Variants in PDE1A observed in about 807,000 individuals in gnomAD.
PDE1A encodes the protein phosphodiesterase 1A.
Under a neutral mutation model 61.7 loss-of-function variants are expected in PDE1A, and 35 were observed. That is an observed-to-expected ratio of 0.57 (90% CI 0.43 to 0.75). PDE1A has a LOEUF of 0.75. Ranked by LOEUF, PDE1A falls within the 30% of genes least tolerant of loss-of-function variation. PDE1A has a pLI of 0.00. For synonymous variants in PDE1A, 232 were observed against 213.2 expected (o/e 1.09, Z -0.77); for missense variants, 597 against 630.6 (o/e 0.95, Z 0.57).
In PDE1A at chr2:182,186,093, C is replaced by T; in HGVS notation, c.1329-14G>A. The T allele has an allele frequency of 6.2e-7, 1 of 1,609,278 alleles. No homozygotes were observed. The highest frequency in any genetic ancestry group is 8.5e-7 in the Non-Finnish European group (1 of 1,177,142). On this transcript the variant is annotated splice_polypyrimidine_tract_variant and intron_variant, in intron 12 of 13. Transcript: ENST00000351439. The stretch of plus-strand genomic sequence containing the variant: ...ATGGTGGTTGAGCTAACAGTAACAA[C>T]CAAAGAAACCAAAAAACACCATCAG...
At chr2:182,209,370 C>A (rs59215767) in intron 7 of PDE1A, among the ~76,000 whole-genome samples, 31,507 of 151,630 alleles carry the variant, frequency 0.21, 3,477 homozygotes, top group East Asian at 0.32. Flanking sequence ...TTATCTCCCA[C>A]TGGGTCTCTC....
chr2:182,322,044 A>T (rs1157470839), intron 1 of PDE1A, among the ~76,000 whole-genome samples: 1 of 152,132 alleles, frequency 6.6e-6, no homozygotes, highest in East Asian at 1.9e-4. Context: ...TGGAAATAAG[A>T]GCTCCAAAGT....
chr2:182,636,410 C>A, the PDE1A span, among the ~76,000 whole-genome samples: 1 of 151,892 alleles, frequency 6.6e-6, no homozygotes, highest in Non-Finnish European at 1.5e-5. Context: ...ACAGCATAAT[C>A]CTGATTTACC....
At chr2:182,225,401 T>C (rs1215396972) in intron 6 of PDE1A, among the ~76,000 whole-genome samples, 1 of 151,946 alleles carries the variant, frequency 6.6e-6, no homozygotes, top group Non-Finnish European at 1.5e-5. Flanking sequence ...GTGACAATTG[T>C]TGAATCTCAT....
intron 2 of PDE1A, among the ~76,000 whole-genome samples, chr2:182,244,014 C>T (rs535521423): frequency 1.3e-5 from 2 of 152,158 alleles, no homozygotes; most frequent in East Asian, 1.9e-4. Context: ...ATTACAGGCA[C>T]GTGCCACCAC....
At chr2:182,665,722 A>T in the PDE1A span, among the ~76,000 whole-genome samples, 6 of 152,218 alleles carry the variant, frequency 3.9e-5, no homozygotes, top group Non-Finnish European at 8.8e-5. Flanking sequence ...CTGGGCATAT[A>T]TCCAAAGGAA....
intron 7 of PDE1A, among the ~76,000 whole-genome samples, chr2:182,211,195 T>C (rs4666579): frequency 0.74 from 111,884 of 152,188 alleles, 41,324 homozygotes; most frequent in East Asian, 0.91. Context: ...CCATAGCAGT[T>C]TGTGTCTAGA....
the PDE1A span, among the ~76,000 whole-genome samples, chr2:182,697,958 C>T: frequency 6.6e-6 from 1 of 152,204 alleles, no homozygotes; most frequent in Admixed American, 6.5e-5. Flanking sequence ...ACAATCACTG[C>T]ACCTGGAGCC....
chr2:182,409,117 G>C (rs1702467104), intron 1 of PDE1A, among the ~76,000 whole-genome samples: 1 of 151,884 alleles, frequency 6.6e-6, no homozygotes, highest in African/African-American at 2.4e-5. Flanking sequence ...AATAATGCTG[G>C]GCATTTCCCT....
chr2:182,406,951 T>A (rs1174389287), intron 1 of PDE1A, among the ~76,000 whole-genome samples: 2 of 152,188 alleles, frequency 1.3e-5, no homozygotes, highest in Non-Finnish European at 2.9e-5. Context: ...TATTTTTCAA[T>A]GATGTTGTCT....
At chr2:182,587,654 C>G in the PDE1A span, among the ~76,000 whole-genome samples, 1 of 152,096 alleles carries the variant, frequency 6.6e-6, no homozygotes, top group Non-Finnish European at 1.5e-5. Flanking sequence ...AAAATCAAAT[C>G]GATGGCTGAT....
At chr2:182,680,786 A>T in the PDE1A span, among the ~76,000 whole-genome samples, 1 of 152,190 alleles carries the variant, frequency 6.6e-6, no homozygotes. Context: ...GGTAGAAGAA[A>T]ACAGCTTTAT....
chr2:182,406,072 C>T (rs1171198686), intron 1 of PDE1A, among the ~76,000 whole-genome samples: 1 of 151,896 alleles, frequency 6.6e-6, no homozygotes, highest in Admixed American at 6.6e-5. Context: ...TATCATTTAT[C>T]AAATGCTTAG....
At chr2:182,283,378 G>A (rs780991317) in intron 1 of PDE1A, among the ~76,000 whole-genome samples, 10 of 151,510 alleles carry the variant, frequency 6.6e-5, no homozygotes, top group Non-Finnish European at 1.3e-4. Flanking sequence ...ATGAGAACAT[G>A]GTTTTGGTAT....
chr2:182,482,226 A>G (rs1270392384), intron 2 of PDE1A, among the ~76,000 whole-genome samples: 1 of 151,946 alleles, frequency 6.6e-6, no homozygotes, highest in Non-Finnish European at 1.5e-5. Context: ...AAAACCTGAG[A>G]CTTTATAAGA....
chr2:182,577,969 GAA>G, the PDE1A span, among the ~76,000 whole-genome samples: 68 of 149,240 alleles, frequency 4.6e-4, no homozygotes, highest in African/African-American at 1.7e-3. Flanking sequence ...AGGAAGGAAG[GAA>G]GGAAGGAAGG....
At chr2:182,184,857 T>C (rs1398467735) in intron 13 of PDE1A, among the ~76,000 whole-genome samples, 32 of 152,180 alleles carry the variant, frequency 2.1e-4, no homozygotes, top group Non-Finnish European at 1.5e-5. Context: ...GCTCCCACTT[T>C]ATTATCCTTC....
At chr2:182,307,309 C>T (rs1222481011) in intron 1 of PDE1A, among the ~76,000 whole-genome samples, 3 of 152,092 alleles carry the variant, frequency 2.0e-5, no homozygotes, top group African/African-American at 7.2e-5. Flanking sequence ...GGTGATTAAA[C>T]CAGGAGAGCT....
intron 13 of PDE1A, among the ~76,000 whole-genome samples, chr2:182,151,818 C>T (rs1690796128): frequency 6.6e-6 from 1 of 152,106 alleles, no homozygotes. Context: ...GCTTATTTTG[C>T]ACTCGTTATT....
Sources: gnomAD v4.1 joint callset for allele counts (sites outside exome capture counted in the v4.1 genomes callset) on GRCh38, gnomAD v4.1.1 for gene constraint, MANE v1.5 for transcripts, NCBI Gene and HGNC (gene_info 2026-07-23, HGNC 2026-07-21) for gene names.